Variants in PCDH15 observed in about 807,000 individuals in gnomAD.
PCDH15 encodes the protein protocadherin related 15, also known as protocadherin-15.
Under a neutral mutation model 178.5 loss-of-function variants are expected in PCDH15, and 129 were observed. That is an observed-to-expected ratio of 0.72 (90% CI 0.63 to 0.84). PCDH15 has a LOEUF of 0.84. Ranked by LOEUF, PCDH15 falls within the 40% of genes least tolerant of loss-of-function variation. PCDH15 has a pLI of 0.00. For missense variants in PCDH15, 2,230 were observed against 2,099.9 expected (o/e 1.06, Z -1.21); for synonymous variants, 800 against 732.0 (o/e 1.09, Z -1.50).
chr10:54,831,381 A>G (rs1444175974), intron 3 of PCDH15, among the ~76,000 whole-genome samples: 4 of 152,144 alleles, frequency 2.6e-5, no homozygotes, highest in African/African-American at 4.8e-5. Flanking sequence ...AGACACATTA[A>G]TATATTGGTA....
intron 8 of PCDH15, among the ~76,000 whole-genome samples, chr10:54,261,212 T>C (rs1190493028): frequency 6.6e-6 from 1 of 152,114 alleles, no homozygotes; most frequent in Non-Finnish European, 1.5e-5. Flanking sequence ...ACCTTATTTA[T>C]TGTAGGATAA....
At chr10:54,222,031 G>A (rs1018363834) in intron 9 of PCDH15, among the ~76,000 whole-genome samples, 3 of 152,126 alleles carry the variant, frequency 2.0e-5, no homozygotes, top group East Asian at 3.9e-4. Context: ...TCTATTGTAT[G>A]GATATGCTAC....
At chr10:54,112,837 G>A (rs2095049988) in intron 15 of PCDH15, among the ~76,000 whole-genome samples, 1 of 152,070 alleles carries the variant, frequency 6.6e-6, no homozygotes, top group Non-Finnish European at 1.5e-5. Context: ...GAAACCTGGG[G>A]TAACAGTTCA....
intron 1 of PCDH15, among the ~76,000 whole-genome samples, chr10:55,299,931 A>C (rs1843230404): frequency 1.3e-5 from 2 of 152,208 alleles, no homozygotes; most frequent in South Asian, 4.1e-4. Flanking sequence ...ATGTCACATA[A>C]AGAATACAGA....
rs1279676853 is a variant in PCDH15, at chr10:54,020,419, G to C, written c.2527-3C>G. 6.2e-7 allele frequency: 1 copy of C among 1,613,236 alleles called. No individual in the cohort carries two copies. Among genetic ancestry groups the C allele is most frequent in the Non-Finnish European group, 8.5e-7 (1 of 1,179,450 alleles). On this transcript the variant is annotated splice_region_variant and splice_polypyrimidine_tract_variant and intron_variant, in intron 19 of 37. Coordinates refer to ENST00000644397, the MANE Select transcript of PCDH15 (RefSeq NM_001384140.1). ...GCTCCAAGGTCGACATCTTTGGCCT[G>C]TAATAAGCAGAAGAATAGTTTTATT... is the stretch of plus-strand genomic sequence containing the variant.
intron 8 of PCDH15, among the ~76,000 whole-genome samples, chr10:54,274,205 G>T (rs907076970): frequency 1.3e-5 from 2 of 151,906 alleles, no homozygotes; most frequent in Non-Finnish European, 2.9e-5. Flanking sequence ...TAATACCGGG[G>T]TGATGAAATA....
chr10:54,743,826 AAG>A (rs1555177237), intron 1 of PCDH15, among the ~76,000 whole-genome samples: 1 of 151,942 alleles, frequency 6.6e-6, no homozygotes, highest in Non-Finnish European at 1.5e-5. Context: ...AAGAAAAAAA[AAG>A]AAAGTAAAAA....
chr10:55,412,733 A>G (rs1838370161), intron 2 of PCDH15, among the ~76,000 whole-genome samples: 1 of 151,954 alleles, frequency 6.6e-6, no homozygotes, highest in Non-Finnish European at 1.5e-5. Flanking sequence ...GAAGACAAAA[A>G]TATTAGAGAA....
chr10:55,263,009 C>T (rs570715671), intron 1 of PCDH15, among the ~76,000 whole-genome samples: 3 of 152,092 alleles, frequency 2.0e-5, no homozygotes, highest in Non-Finnish European at 4.4e-5. Flanking sequence ...AACAGTGGGG[C>T]ACCAAATAAG....
intron 5 of PCDH15, among the ~76,000 whole-genome samples, chr10:54,359,803 T>C (rs1243215030): frequency 6.7e-6 from 1 of 149,828 alleles, no homozygotes; most frequent in African/African-American, 2.5e-5. Context: ...TTTTAGTCAT[T>C]CCTTTAAAAT....
chr10:55,057,208 T>G (rs1325774667), intron 2 of PCDH15, among the ~76,000 whole-genome samples: 1 of 152,156 alleles, frequency 6.6e-6, no homozygotes. Context: ...TTCTTTTAAT[T>G]TATCATTTGG....
chr10:55,422,982 C>T (rs1387184506), intron 2 of PCDH15, among the ~76,000 whole-genome samples: 1 of 151,666 alleles, frequency 6.6e-6, no homozygotes, highest in Non-Finnish European at 1.5e-5. Flanking sequence ...TAAAGTATGT[C>T]CAGTATAATT....
intron 2 of PCDH15, among the ~76,000 whole-genome samples, chr10:55,593,720 T>C (rs1842889296): frequency 6.6e-6 from 1 of 151,858 alleles, no homozygotes; most frequent in Non-Finnish European, 1.5e-5. Flanking sequence ...CTGATTAAAA[T>C]AGAAGACTTC....
chr10:55,343,928 A>T (rs1844672059), intron 2 of PCDH15, among the ~76,000 whole-genome samples: 1 of 152,214 alleles, frequency 6.6e-6, no homozygotes, highest in South Asian at 2.1e-4. Context: ...TATGTTAAAT[A>T]TATTGAATGA....
At chr10:54,036,775 G>T (rs959848308) in intron 18 of PCDH15, among the ~76,000 whole-genome samples, 2 of 151,882 alleles carry the variant, frequency 1.3e-5, no homozygotes, top group African/African-American at 2.4e-5. Flanking sequence ...AATTTCATAA[G>T]ATTATAGCTG....
intron 2 of PCDH15, among the ~76,000 whole-genome samples, chr10:55,449,697 G>T (rs1839393110): frequency 6.6e-6 from 1 of 152,004 alleles, no homozygotes; most frequent in African/African-American, 2.4e-5. Context: ...ATACCTATTA[G>T]GACTATCACT....
intron 18 of PCDH15, among the ~76,000 whole-genome samples, chr10:54,023,861 C>T (rs2093003800): frequency 6.6e-6 from 1 of 151,254 alleles, no homozygotes; most frequent in Non-Finnish European, 1.5e-5. Flanking sequence ...ATCTCAGTGT[C>T]CCAGTTCTTA....
chr10:54,512,359 T>TTTTGTGTGTGTG (rs374994766), intron 3 of PCDH15, among the ~76,000 whole-genome samples: 3 of 134,088 alleles, frequency 2.2e-5, no homozygotes, highest in Non-Finnish European at 4.8e-5. Flanking sequence ...ATTTCTGGCA[T>TTTTGTGTGTGTG]TGTGTGTGTG....
intron 11 of PCDH15, among the ~76,000 whole-genome samples, chr10:54,187,166 A>ATGTACC (rs1392929130): frequency 6.6e-6 from 1 of 151,922 alleles, no homozygotes. Context: ...AAGTTTTGCT[A>ATGTACC]TGTACCTTGT....
Sources: gnomAD v4.1 joint callset for allele counts (sites outside exome capture counted in the v4.1 genomes callset) on GRCh38, gnomAD v4.1.1 for gene constraint, MANE v1.5 for transcripts, NCBI Gene and HGNC (gene_info 2026-07-23, HGNC 2026-07-21) for gene names.